TNIK: variants seen among roughly 807,000 people sequenced by gnomAD.
The protein encoded by TNIK is TRAF2 and NCK interacting kinase.
TNIK carries 49 observed loss-of-function variants against 191.3 expected under a neutral mutation model. The ratio of observed to expected loss-of-function variants is 0.26; its 90% CI spans 0.20 to 0.32. TNIK has a LOEUF of 0.32. Ranked by LOEUF, TNIK falls within the 10% of genes least tolerant of loss-of-function variation. The pLI is 1.00. For synonymous variants in TNIK, 594 were observed against 600.9 expected, an observed-to-expected ratio of 0.99 and a Z score of 0.17; for missense variants, 1,155 against 1,702.3, an observed-to-expected ratio of 0.68 and a Z score of 5.66.
At chr3:171,241,435 A>G (rs1196109579) in intron 2 of TNIK, among the ~76,000 whole-genome samples, 1 of 152,178 alleles carries the variant, frequency 6.6e-6, no homozygotes, top group Non-Finnish European at 1.5e-5. Context: ...TCCAGGTTGT[A>G]TTTTCCTTTC....
chr3:171,123,595 C>G lies in TNIK; in HGVS notation c.2120+1G>C, dbSNP rs2108561211. The G allele has an allele frequency of 6.4e-7, 1 of 1,550,576 alleles. No homozygotes were observed. The highest frequency in any genetic ancestry group is 8.7e-7 in the Non-Finnish European group (1 of 1,146,676). ...TTACCATAACCACCTTCCTTTCTTA[C>G]CTTGCTCTGATGGGTTGAGATCCTA... is the stretch of plus-strand genomic sequence containing the variant. On this transcript the variant is annotated splice_donor_variant, in intron 18 of 32. Transcript: ENST00000436636. LOFTEE classifies it high-confidence loss of function.
chr3:171,328,668 G>A (rs770500322), intron 2 of TNIK, among the ~76,000 whole-genome samples: 1 of 152,328 alleles, frequency 6.6e-6, no homozygotes, highest in African/African-American at 2.4e-5. Context: ...ACCTACCAGT[G>A]AGAAGGATTT....
intron 2 of TNIK, among the ~76,000 whole-genome samples, chr3:171,329,439 G>T (rs1037186642): frequency 5.3e-5 from 8 of 152,144 alleles, no homozygotes; most frequent in African/African-American, 1.7e-4. Context: ...CCAAACTGCA[G>T]ATCTTTTCTA....
At chr3:171,369,590 A>G in intron 2 of TNIK, 30 bp downstream of exon 2, 1 of 1,551,450 alleles carries the variant, frequency 6.4e-7, no homozygotes, top group South Asian at 1.2e-5. Context: ...GAAACCGTAC[A>G]TAAGCCACTC....
intron 2 of TNIK, among the ~76,000 whole-genome samples, chr3:171,297,039 C>T (rs1007811601): frequency 5.9e-5 from 9 of 152,048 alleles, no homozygotes; most frequent in East Asian, 1.9e-4. Flanking sequence ...TGCAGTTTAC[C>T]GCAGTCCTTG....
intron 10 of TNIK, among the ~76,000 whole-genome samples, chr3:171,161,640 C>T (rs559408544): frequency 1.3e-4 from 20 of 152,070 alleles, no homozygotes; most frequent in South Asian, 8.3e-4. Context: ...CTTGTTTGGC[C>T]GGGCACGGTG....
intron 32 of TNIK, among the ~76,000 whole-genome samples, 156 bp downstream of exon 32, chr3:171,066,031 C>T (rs1718394591): frequency 1.3e-5 from 2 of 152,138 alleles, no homozygotes; most frequent in South Asian, 4.1e-4. Context: ...ATATTGAGTG[C>T]TCACATGGAT....
intron 2 of TNIK, among the ~76,000 whole-genome samples, chr3:171,281,953 T>C (rs1013223712): frequency 6.6e-6 from 1 of 152,170 alleles, no homozygotes; most frequent in Non-Finnish European, 1.5e-5. Flanking sequence ...TTAGTAACTA[T>C]AGAAATGTAC....
chr3:171,081,076 A>C (rs1281403534), intron 27 of TNIK, among the ~76,000 whole-genome samples: 1 of 152,214 alleles, frequency 6.6e-6, no homozygotes, highest in Non-Finnish European at 1.5e-5. Context: ...TTCTGGTTGC[A>C]TTCCCACTTT....
At chr3:171,399,656 CA>C (rs993258255) in intron 1 of TNIK, among the ~76,000 whole-genome samples, 1 of 150,954 alleles carries the variant, frequency 6.6e-6, no homozygotes, top group African/African-American at 2.4e-5. Flanking sequence ...ATATTATTAC[CA>C]AAAAACAAAA....
intron 2 of TNIK, among the ~76,000 whole-genome samples, chr3:171,301,591 A>C (rs535766699): frequency 6.6e-6 from 1 of 152,358 alleles, no homozygotes; most frequent in Non-Finnish European, 1.5e-5. Flanking sequence ...CTGGGATTAC[A>C]GGCGTGAGCC....
chr3:171,117,747 G>A (rs905905464), intron 18 of TNIK, among the ~76,000 whole-genome samples: 1 of 152,110 alleles, frequency 6.6e-6, no homozygotes, highest in Non-Finnish European at 1.5e-5. Flanking sequence ...GAGACAGGTG[G>A]ATCACGAGGT....
rs1415512505 is a variant in TNIK, at chr3:171,060,183, A to C, written c.*3698T>G. Among the ~76,000 whole-genome samples the C allele has an allele frequency of 1.3e-5, 2 of 152,156 alleles. No homozygotes were observed. Among genetic ancestry groups the C allele is most frequent in the Non-Finnish European group, 2.9e-5 (2 of 68,022 alleles). ...AGTGACGGGAACTGGTACACATAGT[A>C]GTAGGGAAAGCATTTTTTTAAAAGC... is the stretch of plus-strand genomic sequence containing the variant. On this transcript the variant is annotated 3_prime_UTR_variant, in exon 33 of 33. Transcript: ENST00000436636.
At chr3:171,139,376 G>GCACACACA (rs1271020696) in intron 14 of TNIK, 94 bp downstream of exon 14, 236 of 531,982 alleles carry the variant, frequency 4.4e-4, no homozygotes, top group Admixed American at 6.3e-4. Flanking sequence ...ACACGCACGC[G>GCACACACA]CGCACACACA....
intron 6 of TNIK, among the ~76,000 whole-genome samples, chr3:171,189,901 A>C (rs1737819931): frequency 6.6e-6 from 1 of 152,202 alleles, no homozygotes; most frequent in Non-Finnish European, 1.5e-5. Context: ...AATGTTAACT[A>C]AGAAAAAAAA....
At chr3:171,406,887 A>G (rs1721766301) in intron 1 of TNIK, among the ~76,000 whole-genome samples, 1 of 152,260 alleles carries the variant, frequency 6.6e-6, no homozygotes, top group Non-Finnish European at 1.5e-5. Context: ...ATCTAAGATA[A>G]CACAGCGATT....
At chr3:171,121,272 G>A (rs921086733) in intron 18 of TNIK, among the ~76,000 whole-genome samples, 24 of 152,226 alleles carry the variant, frequency 1.6e-4, no homozygotes, top group Admixed American at 3.3e-4. Flanking sequence ...AGAACTATAC[G>A]GACTTCATTA....
intron 9 of TNIK, among the ~76,000 whole-genome samples, chr3:171,167,510 G>A (rs1174587693): frequency 6.6e-6 from 1 of 152,110 alleles, no homozygotes; most frequent in Non-Finnish European, 1.5e-5. Flanking sequence ...AAGCATTTTT[G>A]CACAATTTAT....
chr3:171,175,795 A>G (rs528291113), intron 8 of TNIK, among the ~76,000 whole-genome samples: 2 of 152,318 alleles, frequency 1.3e-5, no homozygotes, highest in South Asian at 4.1e-4. Context: ...TGTTATCTAC[A>G]CAGATTTTTG....
Sources: allele counts gnomAD v4.1 joint callset (sites outside exome capture counted in the v4.1 genomes callset), GRCh38; gene constraint gnomAD v4.1.1; transcripts MANE v1.5; gene names NCBI Gene and HGNC (gene_info 2026-07-23, HGNC 2026-07-21).